The following NBPF19 variants were observed in gnomAD, a reference collection of about 807,000 sequenced individuals.
The protein encoded by NBPF19 is NBPF member 19, also known as NBPF family member NBPF19.
NBPF19 carries 30 observed loss-of-function variants against 45.9 expected under a neutral mutation model. The observed-to-expected ratio is 0.65, with a 90% confidence interval of 0.49 to 0.89. NBPF19 has a LOEUF of 0.89. NBPF19 is among the 40% of genes least tolerant of loss of function. The pLI, the probability that NBPF19 is intolerant of heterozygous loss-of-function variation, is 0.00. For synonymous variants in NBPF19, 183 were observed against 181.2 expected (o/e 1.01, Z -0.08); for missense variants, 495 against 471.8 (o/e 1.05, Z -0.46).
At position 149,487,398 on chromosome 1, in the gene NBPF19, T is replaced by C. The variant is rs1476659499; in HGVS notation, c.1040+15T>C. ...ACAGGTCCCAGGTGAGTCTGAGAAA[T>C]TGTGGACAGTTAATTTGATGTTGAC... On this transcript the variant is annotated intron_variant, in intron 9 of 93. Transcript: ENST00000651566. 15 of 1,397,036 alleles carry C rather than the reference T, an allele frequency of 1.1e-5. No individual in the cohort carries two copies. Among genetic ancestry groups the C allele is most frequent in the Admixed American group, 1.7e-5 (1 of 59,612 alleles). 86.5% of individuals were successfully genotyped at this position (1,397,036 alleles called of 1,614,324 possible). A position where few individuals can be genotyped will look rare whatever the true frequency, so the allele number is the denominator to read the frequency against.
At position 149,487,645 on chromosome 1, in the gene NBPF19, C is replaced by T. The variant is rs1405235092; in HGVS notation, c.1040+262C>T. Among the ~76,000 whole-genome samples, 18 of 150,522 alleles carry T rather than the reference C, an allele frequency of 1.2e-4. No individual in the cohort carries two copies. The East Asian group carries it at 2.0e-3, about 16-fold the overall frequency. On this transcript the variant is annotated intron_variant, in intron 9 of 93. Transcript: ENST00000651566. ...TGGTAACTGCAGGGAAACTTGAGCA[C>T]ATTTTATGCAAAATTATTGAGGACA...
rs1252395003 is a variant in NBPF19 at position 149,478,141 on chromosome 1, C to T, written c.278+94C>T. The T allele has an allele frequency of 1.0e-5, 8 of 798,518 alleles. No individual in the cohort carries two copies. In the African/African-American group the frequency reaches 1.2e-4, roughly 12 times the overall value. 49.5% of individuals were successfully genotyped at this position (798,518 alleles called of 1,614,324 possible). A position where few individuals can be genotyped will look rare whatever the true frequency, so the allele number is the denominator to read the frequency against. On this transcript the variant is annotated intron_variant, in intron 3 of 93. Coordinates refer to ENST00000651566, the MANE Select transcript of NBPF19 (RefSeq NM_001351365.2). Reference sequence around the variant, plus strand: ...GGGGAGAAATAAGAACGAAGCTGGGCCAGGGGAAGGGCAGAAATTGCCATG... The same window carrying T: ...GGGGAGAAATAAGAACGAAGCTGGGTCAGGGGAAGGGCAGAAATTGCCATG...
Position 149,554,494 on chromosome 1 carries a change from G to T in NBPF19, c.11289-1G>T, listed in dbSNP as rs1389045217. 8.7e-6 allele frequency: 14 copies of T among 1,607,974 alleles called. 1 individual carries two copies. Among genetic ancestry groups the T allele is most frequent in the Admixed American group, 6.7e-5 (4 of 59,862 alleles). ...TTCTTTAGTTTTGTCTCCTTTTCCA[G>T]GCTCAACAGCGTGCTGATGGAAGTG... On this transcript the variant is annotated splice_acceptor_variant, in intron 93 of 93. Transcript: ENST00000651566. LOFTEE classifies it high-confidence loss of function.
intron 93 of NBPF19, among the ~76,000 whole-genome samples, chr1:149,554,255 C>G (rs1299306724): frequency 1.3e-5 from 2 of 151,788 alleles, no homozygotes; most frequent in Non-Finnish European, 2.9e-5. Flanking sequence ...GGCCAATTCA[C>G]TAGGTCACTT....
chr1:149,554,573 A>T lies in NBPF19; in HGVS notation c.11367A>T (p.Ser3789=), dbSNP rs1333780772. 9 of 1,608,284 alleles carry T rather than the reference A, an allele frequency of 5.6e-6. No homozygotes were observed. In the African/African-American group the frequency reaches 1.1e-4, roughly 19 times the overall value. Residue 3789 remains serine, a synonymous_variant, in exon 94 of 94, where the codon TCA becomes TCT. Coordinates refer to ENST00000651566, the MANE Select transcript of NBPF19 (RefSeq NM_001351365.2). Reference sequence around the variant, plus strand: ...TGGATGGATGTTATTCGACTCCGTCAATGTACTTTGAACTACCTGACTCAT... The same window carrying T: ...TGGATGGATGTTATTCGACTCCGTCTATGTACTTTGAACTACCTGACTCAT... ...DSLDGCYSTP[S]MYFELPDSFQ...
At position 149,477,406 on chromosome 1, in the gene NBPF19, C is replaced by A. The variant is rs1163973305; in HGVS notation, c.176-539C>A. Among the ~76,000 whole-genome samples, 38 of 151,258 alleles carry A rather than the reference C, an allele frequency of 2.5e-4. 1 individual carries two copies. The highest frequency in any genetic ancestry group is 1.6e-3 in the Admixed American group (25 of 15,166). ...GTATTTGGGCATATTTCCTTCATGG[C>A]CTTATTGTCTTATATCTCACACTTT... is the stretch of plus-strand genomic sequence containing the variant. On this transcript the variant is annotated intron_variant, in intron 2 of 93. Transcript: ENST00000651566.
At chr1:149,483,437 A>T (rs1258535153) in intron 7 of NBPF19, among the ~76,000 whole-genome samples, 4 of 74,766 alleles carry the variant, frequency 5.4e-5, no homozygotes, top group African/African-American at 2.2e-4. Context: ...TGCATGTGAG[A>T]TGGGTTTCCT....
chr1:149,482,514 G>GT (rs2085256771), intron 7 of NBPF19, among the ~76,000 whole-genome samples: 3 of 151,364 alleles, frequency 2.0e-5, no homozygotes, highest in African/African-American at 7.3e-5. Context: ...TTTTTGAAGG[G>GT]TTTTTTGTGT....
chr1:149,521,182 A>G, intron 51 of NBPF19, 137 bp from the exon 52 acceptor site: 1 of 332,026 alleles, frequency 3.0e-6, no homozygotes, highest in Non-Finnish European at 5.6e-6. Context: ...ACATAAAGGC[A>G]ATAATTTGTT....
Position 149,478,744 on chromosome 1 carries a change from T to A in NBPF19, c.279-136T>A, listed in dbSNP as rs2101550592. 2.6e-5 allele frequency: 27 copies of A among 1,031,722 alleles called. 1 individual carries two copies. In the East Asian group the frequency reaches 5.5e-4, roughly 21 times the overall value. The allele number at this position is 1,031,722 out of a possible 1,614,324, so 63.9% of individuals were successfully genotyped here. On this transcript the variant is annotated intron_variant, in intron 3 of 93. Coordinates refer to ENST00000651566, the MANE Select transcript of NBPF19 (RefSeq NM_001351365.2). ...TTTCTATTCTTCCTCTTGGCCACAG[T>A]CATTCCTTTCAACATGTGCTGACCT...
At position 149,487,104 on chromosome 1, in the gene NBPF19, C is replaced by G. The variant is rs1156372699; in HGVS notation, c.989-228C>G. Among the ~76,000 whole-genome samples, 6 of 150,736 alleles carry G rather than the reference C, an allele frequency of 4.0e-5. 1 individual carries two copies. The highest frequency in any genetic ancestry group is 7.4e-5 in the Non-Finnish European group (5 of 67,386). On this transcript the variant is annotated intron_variant, in intron 8 of 93. Coordinates refer to ENST00000651566, the MANE Select transcript of NBPF19 (RefSeq NM_001351365.2). The stretch of plus-strand genomic sequence containing the variant: ...GTGTACATAAACCTAGGACAGAGCA[C>G]ATAGGGAAGATAACATTCCAACACA...
Position 149,554,464 on chromosome 1 carries a change from G to T in NBPF19, c.11289-31G>T, listed in dbSNP as rs2087187584. On this transcript the variant is annotated intron_variant, in intron 93 of 93. Transcript: ENST00000651566. ...GCTCTGTGGTGTCTGATTTTCCCTG[G>T]CTGCTTCTTTAGTTTTGTCTCCTTT... is the stretch of plus-strand genomic sequence containing the variant. The T allele has an allele frequency of 1.4e-5, 23 of 1,607,800 alleles. 1 individual carries two copies. Among genetic ancestry groups the T allele is most frequent in the East Asian group, 2.2e-5 (1 of 44,834 alleles).
intron 51 of NBPF19, 139 bp from the exon 52 acceptor site, chr1:149,521,180 G>A (rs1379247632): frequency 1.3e-5 from 4 of 317,074 alleles, no homozygotes; most frequent in Admixed American, 5.6e-5. Flanking sequence ...CAACATAAAG[G>A]CAATAATTTG....
At chr1:149,538,477 GTC>G (rs2087048216) in intron 73 of NBPF19, among the ~76,000 whole-genome samples, 197 bp from the exon 74 acceptor site, 2 of 33,796 alleles carry the variant, frequency 5.9e-5, no homozygotes, top group African/African-American at 1.6e-4. Flanking sequence ...GTGTGTGTGT[GTC>G]TATCTGTCTT....
chr1:149,487,223 G>C lies in NBPF19; in HGVS notation c.989-109G>C, dbSNP rs1301295834. On this transcript the variant is annotated intron_variant, in intron 8 of 93. Transcript: ENST00000651566. ...TGCAATATTTCTCTCAAAGTCTCCT[G>C]TTCTCACACTGACAAGACTGATGTC... 6 of 832,496 alleles carry C rather than the reference G, an allele frequency of 7.2e-6. No individual in the cohort carries two copies. In the African/African-American group the frequency reaches 1.0e-4, roughly 14 times the overall value. 51.6% of individuals were successfully genotyped at this position (832,496 alleles called of 1,614,324 possible).
intron 51 of NBPF19, 147 bp from the exon 52 acceptor site, chr1:149,521,172 A>C (rs1300040434): frequency 0.12 from 40,239 of 335,334 alleles, 4,377 homozygotes; most frequent in Middle Eastern, 0.17. Flanking sequence ...TTCTATCCCA[A>C]CATAAAGGCA....
At chr1:149,554,350 G>C in intron 93 of NBPF19, 145 bp from the exon 94 acceptor site, 2 of 1,491,392 alleles carry the variant, frequency 1.3e-6, no homozygotes, top group Non-Finnish European at 1.8e-6. Context: ...CCAACATAAA[G>C]GCAATAAATT....
Position 149,487,477 on chromosome 1 carries a change from G to A in NBPF19, c.1040+94G>A. The A allele has an allele frequency of 2.0e-6, 2 of 984,074 alleles. 1 individual carries two copies. The highest frequency in any genetic ancestry group is 2.5e-5 in the South Asian group (2 of 78,704). The allele number at this position is 984,074 out of a possible 1,614,324, so 61.0% of individuals were successfully genotyped here. A position where few individuals can be genotyped will look rare whatever the true frequency, so the allele number is the denominator to read the frequency against. On this transcript the variant is annotated intron_variant, in intron 9 of 93. Transcript: ENST00000651566. ...AGTACATGCTGAAAATAATGATTTT[G>A]TCTTGTCAGACAAGTCTGAATTATG...
chr1:149,486,443 G>T (rs1212748980), intron 8 of NBPF19, 150 bp downstream of exon 8: 4 of 693,076 alleles, frequency 5.8e-6, no homozygotes, highest in Non-Finnish European at 1.1e-5. Context: ...TCACTCTGGA[G>T]TCAAGTCTGA....
Sources: allele counts gnomAD v4.1 joint callset (sites outside exome capture counted in the v4.1 genomes callset), GRCh38; gene constraint gnomAD v4.1.1; transcripts MANE v1.5; gene names NCBI Gene and HGNC (gene_info 2026-07-23, HGNC 2026-07-21).